REV1: variants seen among roughly 807,000 people sequenced by gnomAD.
The protein encoded by REV1 is REV1 DNA directed polymerase.
A neutral mutation model predicts 137.4 loss-of-function variants in REV1; 42 were observed. That is an observed-to-expected ratio of 0.31 (90% CI 0.24 to 0.40). The LOEUF (loss-of-function observed/expected upper bound fraction) is 0.40, where lower values mean the gene tolerates loss of function less well. Ranked by LOEUF, REV1 falls within the 10% of genes least tolerant of loss-of-function variation. The pLI, the probability that REV1 is intolerant of heterozygous loss-of-function variation, is 1.00. For synonymous variants in REV1, 524 were observed against 519.2 expected (o/e 1.01, Z -0.12); for missense variants, 1,282 against 1,490.1 (o/e 0.86, Z 2.30).
intron 1 of REV1, among the ~76,000 whole-genome samples, chr2:99,473,105 C>T (rs1685592719): frequency 6.6e-6 from 1 of 152,064 alleles, no homozygotes; most frequent in South Asian, 2.1e-4. Flanking sequence ...GTGGCTCATG[C>T]CTGTAATCCC....
At chr2:99,459,207 CAA>C (rs201658669) in intron 3 of REV1, among the ~76,000 whole-genome samples, 60 of 136,632 alleles carry the variant, frequency 4.4e-4, no homozygotes, top group African/African-American at 3.7e-4. Context: ...GACTCTGTCT[CAA>C]AAAAAAAAAA....
chr2:99,476,553 CAAT>C (rs35637032), intron 1 of REV1, among the ~76,000 whole-genome samples: 90,556 of 149,416 alleles, frequency 0.61, 28,087 homozygotes, highest in African/African-American at 0.73. Flanking sequence ...AAGAATCTGT[CAAT>C]AATAATAATA....
intron 1 of REV1, among the ~76,000 whole-genome samples, chr2:99,469,276 A>G (rs1013478864): frequency 6.6e-6 from 1 of 152,214 alleles, no homozygotes; most frequent in African/African-American, 2.4e-5. Flanking sequence ...AAAGCACGAC[A>G]ACTTGAAAAA....
intron 6 of REV1, among the ~76,000 whole-genome samples, chr2:99,437,645 C>T (rs182656377): frequency 1.3e-5 from 2 of 152,288 alleles, no homozygotes. Flanking sequence ...CAAATGCTTT[C>T]ATACAATAAC....
rs1217375349 is a variant in REV1, at chr2:99,403,114, C to G, written c.3167-8G>C. On this transcript the variant is annotated splice_region_variant and splice_polypyrimidine_tract_variant and intron_variant, in intron 19 of 22. Transcript: ENST00000258428. ...GTAAAGGATTCTTTGGCACTAAGAG[C>G]AGATGGATATAAGATCCTCAACAAA... 2 of 1,578,594 alleles carry G rather than the reference C, an allele frequency of 1.3e-6. No homozygotes were observed. Among genetic ancestry groups the G allele is most frequent in the South Asian group, 1.1e-5 (1 of 88,022 alleles).
intron 15 of REV1, 60 bp from the exon 16 acceptor site, chr2:99,406,550 C>T: frequency 7.3e-7 from 1 of 1,360,688 alleles, no homozygotes. Context: ...ATGAATTCAG[C>T]TAAGCAAAAT....
chr2:99,454,676 T>C (rs1683344614), intron 3 of REV1, among the ~76,000 whole-genome samples: 1 of 151,410 alleles, frequency 6.6e-6, no homozygotes, highest in African/African-American at 2.4e-5. Context: ...GCTCAGGAGT[T>C]TGGGGCTGCA....
At position 99,469,761 on chromosome 2, in the gene REV1, A is replaced by C. The variant is rs189513503; in HGVS notation, c.-10-4776T>G. On this transcript the variant is annotated intron_variant, in intron 1 of 22. Coordinates refer to ENST00000258428, the MANE Select transcript of REV1 (RefSeq NM_016316.4). ...AACACACTACTATCAGTTCATTCTA[A>C]ACTTTATTCTGCTTTCTTTTTACTA... Among the ~76,000 whole-genome samples, 163 of 152,220 alleles carry C rather than the reference A, an allele frequency of 1.1e-3. 2 individuals carry two copies. Among genetic ancestry groups the C allele is most frequent in the Admixed American group, 3.7e-3 (57 of 15,294 alleles).
rs780727236 is a variant in REV1 at position 99,406,471 on chromosome 2, T to C, written c.2468A>G (p.Gln823Arg). The C allele has an allele frequency of 2.5e-6, 4 of 1,607,166 alleles. No individual in the cohort carries two copies. The highest frequency in any genetic ancestry group is 2.5e-6 in the Non-Finnish European group (3 of 1,176,890). The change falls in exon 16 of 23, where the codon CAG becomes CGG. Residue 823 changes from glutamine to arginine, a missense_variant. This residue lies in a region of REV1 where 372 missense variants were observed against 482.3 expected (regional missense o/e 0.77). Transcript: ENST00000258428. ...DMRGVGIHVN[Q>R]LVPTNLNPST... ...AGGGTTCAGATTAGTTGGAACCAAC[T>C]GATTCACGTGAATCCCAACCTAGAA...
intron 9 of REV1, among the ~76,000 whole-genome samples, chr2:99,427,888 C>T (rs1679586096): frequency 6.6e-6 from 1 of 151,994 alleles, no homozygotes; most frequent in Non-Finnish European, 1.5e-5. Context: ...ATATAGTCAC[C>T]CCAATTATTT....
intron 4 of REV1, among the ~76,000 whole-genome samples, chr2:99,446,929 T>C (rs1682301490): frequency 6.6e-6 from 1 of 152,182 alleles, no homozygotes; most frequent in African/African-American, 2.4e-5. Flanking sequence ...CTAGCTCTAG[T>C]GACAACACAG....
chr2:99,482,511 T>G (rs1188355937), intron 1 of REV1, among the ~76,000 whole-genome samples: 1 of 152,150 alleles, frequency 6.6e-6, no homozygotes, highest in East Asian at 1.9e-4. Flanking sequence ...AGGAGAGTCT[T>G]GCAGACTGTA....
rs1676226328 is a variant in REV1, at chr2:99,405,942, TAAG to T, written c.2776_2778del (p.Leu926del). The T allele has an allele frequency of 6.2e-7, 1 of 1,603,474 alleles. No individual in the cohort carries two copies. The highest frequency in any genetic ancestry group is 8.5e-7 in the Non-Finnish European group (1 of 1,175,372). ...GGTGACGGGACCTCTATACTCAGGT[TAAG>T]TCTCGACTGCACACTGACAGGAGTA... On this transcript the variant is annotated inframe_deletion, in exon 17 of 23. Coordinates refer to ENST00000258428, the MANE Select transcript of REV1 (RefSeq NM_016316.4).
chr2:99,485,762 T>G (rs1394824072), intron 1 of REV1, among the ~76,000 whole-genome samples: 1 of 152,246 alleles, frequency 6.6e-6, no homozygotes, highest in Non-Finnish European at 1.5e-5. Flanking sequence ...AATGTATTTT[T>G]TAAAGGCGTT....
rs747667454 is a variant in REV1 at position 99,442,160 on chromosome 2, G to T, written c.503+157C>A. ...CTAGCTACTCGGGAGGCTGAGGCAG[G>T]AGAATCACTTGAACCTGGGAGGCAG... is the stretch of plus-strand genomic sequence containing the variant. On this transcript the variant is annotated intron_variant, in intron 5 of 22. Transcript: ENST00000258428. Among the ~76,000 whole-genome samples, 4 of 146,862 alleles carry T rather than the reference G, an allele frequency of 2.7e-5. No individual in the cohort carries two copies. The Admixed American group carries it at 2.8e-4, about 10-fold the overall frequency.
chr2:99,463,332 C>T (rs2105129298), intron 2 of REV1, among the ~76,000 whole-genome samples: 1 of 151,996 alleles, frequency 6.6e-6, no homozygotes, highest in East Asian at 2.0e-4. Flanking sequence ...TCAGCCTGAC[C>T]AACATGGTGA....
At chr2:99,488,727 A>C (rs1687356905) in intron 1 of REV1, among the ~76,000 whole-genome samples, 1 of 152,212 alleles carries the variant, frequency 6.6e-6, no homozygotes, top group Non-Finnish European at 1.5e-5. Flanking sequence ...GATTTGCTAC[A>C]TACAGAACTC....
At chr2:99,471,266 A>G (rs1685381094) in intron 1 of REV1, among the ~76,000 whole-genome samples, 1 of 152,210 alleles carries the variant, frequency 6.6e-6, no homozygotes, top group African/African-American at 2.4e-5. Context: ...ACTGGTTAAT[A>G]AAGGGCTTAA....
chr2:99,470,325 G>A (rs1685275197), intron 1 of REV1, among the ~76,000 whole-genome samples: 2 of 152,050 alleles, frequency 1.3e-5, no homozygotes, highest in African/African-American at 4.8e-5. Flanking sequence ...CTTTTAATCA[G>A]TCTTTATTAA....
Sources: gnomAD v4.1 joint callset for allele counts (sites outside exome capture counted in the v4.1 genomes callset) on GRCh38, gnomAD v4.1.1 for gene constraint, gnomAD v4.1.1 regional missense constraint, MANE v1.5 for transcripts, NCBI Gene and HGNC (gene_info 2026-07-23, HGNC 2026-07-21) for gene names.